The following ZNF266 variants were observed in gnomAD, a reference collection of about 807,000 sequenced individuals.
ZNF266 encodes the protein zinc finger protein 1.
ZNF266 carries 16 observed loss-of-function variants against 16.4 expected under a neutral mutation model. That is an observed-to-expected ratio of 0.98 (90% CI 0.66 to 1.48). The LOEUF (loss-of-function observed/expected upper bound fraction) is 1.48. Among genes scored for constraint, ZNF266 ranks in the 40% most tolerant of loss-of-function variants. ZNF266 has a pLI of 0.00. For synonymous variants in ZNF266, 262 were observed against 237.9 expected, an observed-to-expected ratio of 1.10 and a Z score of -0.93; for missense variants, 738 against 689.1, an observed-to-expected ratio of 1.07 and a Z score of -0.79.
chr19:9,418,589 C>T lies in ZNF266; in HGVS notation c.151G>A (p.Glu51Lys), dbSNP rs748578424. 2 of 1,600,396 alleles carry T rather than the reference C, an allele frequency of 1.2e-6. No individual in the cohort carries two copies. The highest frequency in any genetic ancestry group is 2.2e-5 in the South Asian group (2 of 90,808). ...FDDLAVDFTP[E>K]EWTLLDPTQR... is the part of the protein sequence containing the mutation. ...GTTGGGTCCAGTAAAGTCCATTCTTCTGGGGTGAAGTCCACAGCCAGATCA... is the reference window on the plus strand; with the variant it reads ...GTTGGGTCCAGTAAAGTCCATTCTTTTGGGGTGAAGTCCACAGCCAGATCA... Residue 51 changes from glutamate to lysine, a missense_variant, in exon 8 of 11, where the codon GAA (glutamate) becomes AAA (lysine). Glu to Lys is a moderately conservative substitution (Grantham distance 56). Transcript: ENST00000592904.
At chr19:9,415,823 C>G (rs2068892580) in intron 9 of ZNF266, 81 bp from the exon 10 acceptor site, 1 of 1,241,952 alleles carries the variant, frequency 8.1e-7, no homozygotes, top group African/African-American at 1.5e-5. Flanking sequence ...ATCATTTGTA[C>G]TTGTTTTCTT....
chr19:9,429,513 C>A (rs535690276), intron 5 of ZNF266, among the ~76,000 whole-genome samples: 9 of 152,162 alleles, frequency 5.9e-5, no homozygotes, highest in Middle Eastern at 3.4e-3. Context: ...CCAGTGACAT[C>A]CTAGACGACC....
intron 5 of ZNF266, among the ~76,000 whole-genome samples, chr19:9,430,400 T>A (rs947164499): frequency 6.6e-6 from 1 of 152,106 alleles, no homozygotes; most frequent in Non-Finnish European, 1.5e-5. Flanking sequence ...GTTCAGTCTC[T>A]CCCATCGTTG....
rs371415920 is a variant in ZNF266 at position 9,417,808 on chromosome 19, G to A, written c.316+20C>T. The A allele has an allele frequency of 3.1e-5, 49 of 1,606,462 alleles. No homozygotes were observed. The East Asian group carries it at 3.1e-4, about 10-fold the overall frequency. On this transcript the variant is annotated intron_variant, in intron 9 of 10. Transcript: ENST00000592904. ...ACATACTGAACTTATTGACCAGGGCGGTCCTTTGTGAACACTCACCTTGGA... is the reference window on the plus strand; with the variant it reads ...ACATACTGAACTTATTGACCAGGGCAGTCCTTTGTGAACACTCACCTTGGA...
intron 5 of ZNF266, among the ~76,000 whole-genome samples, chr19:9,423,561 G>A (rs961808307): frequency 1.3e-5 from 2 of 152,150 alleles, no homozygotes; most frequent in East Asian, 1.9e-4. Context: ...AAGTGGAATC[G>A]CATACTGAAA....
rs554963734 is a variant in ZNF266, at chr19:9,426,517, G to A, written c.-129-6299C>T. ...AAAAAAAAAGGAAAAAAAGCCTCGAGATTTAGGAGGTTACAAGTTCAAGAA... is the reference window on the plus strand; with the variant it reads ...AAAAAAAAAGGAAAAAAAGCCTCGAAATTTAGGAGGTTACAAGTTCAAGAA... On this transcript the variant is annotated intron_variant, in intron 5 of 10. Transcript: ENST00000592904. Among the ~76,000 whole-genome samples the A allele has an allele frequency of 1.6e-4, 24 of 149,742 alleles. 1 individual carries two copies. Among genetic ancestry groups the A allele is most frequent in the South Asian group, 6.3e-4 (3 of 4,758 alleles).
intron 5 of ZNF266, among the ~76,000 whole-genome samples, chr19:9,425,529 G>C (rs976596099): frequency 3.3e-5 from 5 of 152,194 alleles, no homozygotes; most frequent in Non-Finnish European, 5.9e-5. Flanking sequence ...GGTGAACAGG[G>C]TGTGTGGTCA....
At chr19:9,417,601 C>A (rs11673364) in intron 9 of ZNF266, among the ~76,000 whole-genome samples, 82,364 of 151,410 alleles carry the variant, frequency 0.54, 22,554 homozygotes, top group Middle Eastern at 0.62. Context: ...GTGGCGTGAG[C>A]CTGTAATCCC....
Position 9,413,099 on chromosome 19 carries a change from G to T in ZNF266, c.*176C>A. ...GTGTTTGGTAAGGCTTGAGAATTCA[G>T]CAAAGTCATTTCCACATTCCCTGAT... On this transcript the variant is annotated 3_prime_UTR_variant, in exon 11 of 11. Transcript: ENST00000592904. The T allele has an allele frequency of 1.4e-6, 1 of 729,918 alleles. No individual in the cohort carries two copies. The highest frequency in any genetic ancestry group is 2.1e-6 in the Non-Finnish European group (1 of 471,158). 45.2% of individuals were successfully genotyped at this position (729,918 alleles called of 1,614,324 possible). A position where few individuals can be genotyped will look rare whatever the true frequency, so the allele number is the denominator to read the frequency against.
In ZNF266 at chr19:9,412,925, G is replaced by C. The variant is rs1316655796; in HGVS notation, c.*350C>G. 2 of 243,932 alleles carry C rather than the reference G, an allele frequency of 8.2e-6. No individual in the cohort carries two copies. Among genetic ancestry groups the C allele is most frequent in the Non-Finnish European group, 1.6e-5 (2 of 126,854 alleles). The allele number at this position is 243,932 out of a possible 1,614,324, so 15.1% of individuals were successfully genotyped here. A position where few individuals can be genotyped will look rare whatever the true frequency, so the allele number is the denominator to read the frequency against. Reference sequence around the variant, plus strand: ...CTAGGACTTAGGGCTTACAAATATGGAGTGGGGCATCATCCAGACCATACC... The same window carrying C: ...CTAGGACTTAGGGCTTACAAATATGCAGTGGGGCATCATCCAGACCATACC... On this transcript the variant is annotated 3_prime_UTR_variant, in exon 11 of 11. Transcript: ENST00000592904.
At chr19:9,424,788 C>T (rs1042190420) in intron 5 of ZNF266, among the ~76,000 whole-genome samples, 10 of 152,118 alleles carry the variant, frequency 6.6e-5, no homozygotes, top group Admixed American at 5.9e-4. Context: ...ATTGACATGG[C>T]GTGCCATGGG....
At chr19:9,424,789 G>A (rs535104610) in intron 5 of ZNF266, among the ~76,000 whole-genome samples, 26 of 152,240 alleles carry the variant, frequency 1.7e-4, no homozygotes, top group Non-Finnish European at 2.4e-4. Context: ...TTGACATGGC[G>A]TGCCATGGGA....
chr19:9,423,125 A>G (rs1010438667), intron 5 of ZNF266, among the ~76,000 whole-genome samples: 3 of 152,208 alleles, frequency 2.0e-5, no homozygotes, highest in African/African-American at 7.2e-5. Flanking sequence ...GATAAAGGCT[A>G]TGTGTGGGCT....
At chr19:9,433,092 T>C (rs552933803) in intron 5 of ZNF266, among the ~76,000 whole-genome samples, 12 of 152,292 alleles carry the variant, frequency 7.9e-5, no homozygotes, top group African/African-American at 2.2e-4. Context: ...ATGTGCATCT[T>C]TGGCATGTGG....
chr19:9,422,480 GTC>G (rs2070073407), intron 5 of ZNF266, among the ~76,000 whole-genome samples: 1 of 152,170 alleles, frequency 6.6e-6, no homozygotes, highest in Non-Finnish European at 1.5e-5. Flanking sequence ...CAGGAATACT[GTC>G]TCTTTCTATG....
At chr19:9,415,212 T>C (rs1448390086) in intron 10 of ZNF266, among the ~76,000 whole-genome samples, 1 of 152,168 alleles carries the variant, frequency 6.6e-6, no homozygotes, top group African/African-American at 2.4e-5. Context: ...CAAGAATCGC[T>C]TGAACCCAGG....
At chr19:9,421,912 C>T (rs917955041) in intron 5 of ZNF266, among the ~76,000 whole-genome samples, 4 of 151,830 alleles carry the variant, frequency 2.6e-5, no homozygotes, top group East Asian at 3.9e-4. Context: ...AGTGCAGTGG[C>T]GCGATCTCGG....
chr19:9,426,488 GA>G (rs2070764807), intron 5 of ZNF266, among the ~76,000 whole-genome samples: 1 of 60,626 alleles, frequency 1.6e-5, no homozygotes, highest in Non-Finnish European at 3.5e-5. Context: ...AAAAGTCTAA[GA>G]CCAAAAAAAA....
chr19:9,428,245 G>A (rs2071056374), intron 5 of ZNF266, among the ~76,000 whole-genome samples: 1 of 152,182 alleles, frequency 6.6e-6, no homozygotes, highest in South Asian at 2.1e-4. Context: ...TCTAGGTCAG[G>A]GAAACAACCC....
Sources: gnomAD v4.1 joint callset for allele counts (sites outside exome capture counted in the v4.1 genomes callset) on GRCh38, gnomAD v4.1.1 for gene constraint, MANE v1.5 for transcripts, NCBI Gene and HGNC (gene_info 2026-07-23, HGNC 2026-07-21) for gene names.